Variants in FBXL17 observed in about 807,000 individuals in gnomAD.
The protein encoded by FBXL17 is F-box and leucine rich repeat protein 17.
FBXL17 carries 22 observed loss-of-function variants against 66.2 expected under a neutral mutation model. The observed-to-expected ratio is 0.33, with a 90% CI of 0.24 to 0.47. FBXL17 has a LOEUF of 0.47. FBXL17 is among the 20% of genes least tolerant of loss of function. The pLI, the probability that FBXL17 is intolerant of heterozygous loss-of-function variation, is 1.00. For synonymous variants in FBXL17, 474 were observed against 400.5 expected (o/e 1.18, Z -2.19); for missense variants, 878 against 948.2 (o/e 0.93, Z 0.97).
intron 3 of FBXL17, among the ~76,000 whole-genome samples, chr5:108,357,246 G>A (rs1279882454): frequency 2.0e-5 from 3 of 151,924 alleles, no homozygotes; most frequent in Non-Finnish European, 4.4e-5. Flanking sequence ...GGGATAAAGA[G>A]GGACATACAT....
At chr5:108,336,324 T>A (rs995422710) in intron 4 of FBXL17, among the ~76,000 whole-genome samples, 2 of 152,142 alleles carry the variant, frequency 1.3e-5, no homozygotes, top group African/African-American at 4.8e-5. Flanking sequence ...AAGCAAATAT[T>A]TATCAAATAT....
At position 108,380,859 on chromosome 5, in the gene FBXL17, G is replaced by T; in HGVS notation, c.833C>A (p.Ala278Asp). 1 of 1,245,620 alleles carries T rather than the reference G, an allele frequency of 8.0e-7. No individual in the cohort carries two copies. 77.2% of individuals were successfully genotyped at this position (1,245,620 alleles called of 1,614,324 possible). ...EGAPTEAGGD[A>D]VRAGGTAPLS... ...GGGGGCGGTGCCCCCGGCTCGGACA[G>T]CGTCCCCGCCAGCTTCGGTGGGGGC... Residue 278 changes from alanine (A) to aspartate (D), a missense_variant, in exon 1 of 9, where the codon GCT (alanine) becomes GAT (aspartate). Physicochemically the swap from Ala to Asp is moderately radical, Grantham distance 126. Around this residue, in one of 4 missense-constraint regions of FBXL17, gnomAD observed 605 missense variants for 509.5 expected, o/e 1.19. Coordinates refer to ENST00000542267, the MANE Select transcript of FBXL17 (RefSeq NM_001163315.3).
At chr5:108,000,247 A>C (rs1753666526) in intron 7 of FBXL17, among the ~76,000 whole-genome samples, 1 of 152,210 alleles carries the variant, frequency 6.6e-6, no homozygotes, top group South Asian at 2.1e-4. Flanking sequence ...CCTGAAGATG[A>C]GCTGACTTCC....
At chr5:108,046,494 T>G (rs1326910136) in intron 6 of FBXL17, among the ~76,000 whole-genome samples, 1 of 152,184 alleles carries the variant, frequency 6.6e-6, no homozygotes, top group Non-Finnish European at 1.5e-5. Flanking sequence ...TTTTGTTTTC[T>G]ATTTGTTTTC....
chr5:108,381,671 CT>C lies in FBXL17; in HGVS notation c.20del (p.Lys7ArgfsTer351). 1.4e-6 allele frequency: 2 copies of C among 1,472,942 alleles called. No homozygotes were observed. Among genetic ancestry groups the C allele is most frequent in the Non-Finnish European group, 9.0e-7 (1 of 1,116,180 alleles). 91.2% of individuals were successfully genotyped at this position (1,472,942 alleles called of 1,614,324 possible). A position where few individuals can be genotyped will look rare whatever the true frequency, so the allele number is the denominator to read the frequency against. On this transcript the variant is annotated frameshift_variant, in exon 1 of 9. Coordinates refer to ENST00000542267, the MANE Select transcript of FBXL17 (RefSeq NM_001163315.3). LOFTEE classifies it high-confidence loss of function. ...TCTGGCTCGGGCGGTTACGCGGCTC[CT>C]TCGAGAGAAGGTGGCCCATATAGAA... MGHLLS[K>X]EPRNRPSQKR...
intron 7 of FBXL17, among the ~76,000 whole-genome samples, chr5:107,939,764 C>T (rs1017945379): frequency 5.9e-5 from 9 of 152,148 alleles, no homozygotes. Flanking sequence ...AATCCTCTCT[C>T]TGTCTTCCGA....
chr5:108,110,949 C>T (rs1750010009), intron 6 of FBXL17, among the ~76,000 whole-genome samples: 1 of 152,102 alleles, frequency 6.6e-6, no homozygotes, highest in Non-Finnish European at 1.5e-5. Context: ...TTTCCTCCTC[C>T]CTAATACATT....
Position 108,004,165 on chromosome 5 carries a change from A to T in FBXL17, c.1822+16760T>A, listed in dbSNP as rs189555165. Among the ~76,000 whole-genome samples, 923 of 152,308 alleles carry T rather than the reference A, an allele frequency of 6.1e-3. 14 individuals carry two copies. The highest frequency in any genetic ancestry group is 0.021 in the African/African-American group (892 of 41,564). ...AAGACAGTGGGATAATATCTTCAAA[A>T]TACACACAAAAAATTTAATTCCTAA... On this transcript the variant is annotated intron_variant, in intron 7 of 8. Transcript: ENST00000542267.
intron 7 of FBXL17, among the ~76,000 whole-genome samples, chr5:107,900,597 A>AT (rs754670827): frequency 6.7e-5 from 7 of 104,880 alleles, no homozygotes; most frequent in Admixed American, 2.2e-4. Context: ...TACTGATTAC[A>AT]TTTTTTTAGA....
At position 107,971,378 on chromosome 5, in the gene FBXL17, A is replaced by G. The variant is rs528390119; in HGVS notation, c.1822+49547T>C. ...TTCTGATGCCAACTTCCACACGTAA[A>G]CTTAAGGTCTTTTTCAAGGCGCACT... On this transcript the variant is annotated intron_variant, in intron 7 of 8. Coordinates refer to ENST00000542267, the MANE Select transcript of FBXL17 (RefSeq NM_001163315.3). Among the ~76,000 whole-genome samples, 38 of 152,214 alleles carry G rather than the reference A, an allele frequency of 2.5e-4. No homozygotes were observed. In the South Asian group the frequency reaches 7.1e-3, roughly 28 times the overall value.
chr5:108,313,060 C>T (rs1462152715), intron 4 of FBXL17, among the ~76,000 whole-genome samples: 1 of 152,112 alleles, frequency 6.6e-6, no homozygotes, highest in African/African-American at 2.4e-5. Flanking sequence ...GTCCAATGTT[C>T]AAGCAGCTTT....
At chr5:108,265,470 C>T (rs1757009708) in intron 4 of FBXL17, among the ~76,000 whole-genome samples, 1 of 152,110 alleles carries the variant, frequency 6.6e-6, no homozygotes, top group Admixed American at 6.5e-5. Flanking sequence ...CAGTATCACT[C>T]CATAATGATA....
chr5:108,305,521 G>A (rs1376033156), intron 4 of FBXL17, among the ~76,000 whole-genome samples: 1 of 152,056 alleles, frequency 6.6e-6, no homozygotes, highest in Admixed American at 6.6e-5. Context: ...CTAAGCAGAA[G>A]TGAGGCCAAG....
intron 6 of FBXL17, among the ~76,000 whole-genome samples, chr5:108,111,183 C>G (rs1187116854): frequency 6.6e-6 from 1 of 150,898 alleles, no homozygotes; most frequent in East Asian, 1.9e-4. Context: ...TCTGCAGACC[C>G]TGCTTTTCAA....
At chr5:108,250,903 C>G (rs902021141) in intron 4 of FBXL17, among the ~76,000 whole-genome samples, 2 of 152,018 alleles carry the variant, frequency 1.3e-5, no homozygotes, top group Non-Finnish European at 2.9e-5. Flanking sequence ...TCCACATCAG[C>G]ATGCATAGAT....
At chr5:108,213,479 C>A (rs187593663) in intron 5 of FBXL17, among the ~76,000 whole-genome samples, 1 of 152,192 alleles carries the variant, frequency 6.6e-6, no homozygotes, top group Non-Finnish European at 1.5e-5. Flanking sequence ...ATGGGACAAG[C>A]GCAGTATCTG....
At chr5:107,904,125 G>A (rs1226775140) in intron 7 of FBXL17, among the ~76,000 whole-genome samples, 16 of 152,154 alleles carry the variant, frequency 1.1e-4, no homozygotes, top group African/African-American at 3.6e-4. Context: ...TTCTGCCTCC[G>A]GGGCTTCACC....
intron 6 of FBXL17, among the ~76,000 whole-genome samples, chr5:108,059,644 C>G (rs183435932): frequency 5.3e-5 from 8 of 152,280 alleles, no homozygotes; most frequent in Non-Finnish European, 7.4e-5. Context: ...TTTTTGTTCT[C>G]CAAATGACCA....
At chr5:108,065,528 G>GA (rs1580394315) in intron 6 of FBXL17, among the ~76,000 whole-genome samples, 1 of 152,250 alleles carries the variant, frequency 6.6e-6, no homozygotes. Context: ...GATTTACCAT[G>GA]AATTTTTACA....
Sources: allele counts gnomAD v4.1 joint callset (sites outside exome capture counted in the v4.1 genomes callset), GRCh38; gene constraint gnomAD v4.1.1; regional missense constraint gnomAD v4.1.1; transcripts MANE v1.5; gene names NCBI Gene and HGNC (gene_info 2026-07-23, HGNC 2026-07-21).